Variants in BAZ2B observed in about 807,000 individuals in gnomAD.
BAZ2B encodes the protein bromodomain adjacent to zinc finger domain 2B.
A neutral mutation model predicts 246.0 loss-of-function variants in BAZ2B; 91 were observed. That is an observed-to-expected ratio of 0.37 (90% CI 0.31 to 0.44). The LOEUF (loss-of-function observed/expected upper bound fraction) is 0.44. Ranked by LOEUF, BAZ2B falls within the 20% of genes least tolerant of loss-of-function variation. BAZ2B has a pLI of 1.00. For synonymous variants in BAZ2B, 855 were observed against 860.0 expected (o/e 0.99, Z 0.10); for missense variants, 2,332 against 2,533.7 (o/e 0.92, Z 1.71).
chr2:159,631,363 G>A, the BAZ2B span, among the ~76,000 whole-genome samples: 1 of 152,118 alleles, frequency 6.6e-6, no homozygotes, highest in African/African-American at 2.4e-5. Flanking sequence ...CTTGCATACT[G>A]TAAATACCTA....
intron 2 of BAZ2B, among the ~76,000 whole-genome samples, chr2:159,506,314 A>G (rs1022841145): frequency 6.6e-6 from 1 of 152,064 alleles, no homozygotes; most frequent in Non-Finnish European, 1.5e-5. Flanking sequence ...CAGGAGGGAA[A>G]CTGGACCTAG....
At chr2:159,671,648 T>C in the BAZ2B span, among the ~76,000 whole-genome samples, 1 of 152,170 alleles carries the variant, frequency 6.6e-6, no homozygotes, top group Admixed American at 6.5e-5. Context: ...TGCTCAGGAA[T>C]ACTCAGTATA....
At chr2:159,590,452 G>A (rs6735206) in intron 1 of BAZ2B, among the ~76,000 whole-genome samples, 83,661 of 151,274 alleles carry the variant, frequency 0.55, 23,882 homozygotes, top group East Asian at 0.74. Context: ...TTAGCCAGGC[G>A]TGATAGTGGG....
chr2:159,616,836 A>T (rs964573930), upstream of BAZ2B: 14 of 152,156 alleles, frequency 9.2e-5, no homozygotes, highest in Non-Finnish European at 2.1e-4. Flanking sequence ...CTTAGTTTTT[A>T]AAAAAACAAA....
the BAZ2B span, among the ~76,000 whole-genome samples, chr2:159,651,361 T>C: frequency 2.0e-5 from 3 of 152,216 alleles, no homozygotes; most frequent in African/African-American, 4.8e-5. Flanking sequence ...TTTTATTTTA[T>C]GAGGAAAAGT....
chr2:159,417,316 G>A (rs1251484696), intron 13 of BAZ2B, among the ~76,000 whole-genome samples: 2 of 151,834 alleles, frequency 1.3e-5, no homozygotes, highest in African/African-American at 4.8e-5. Context: ...GATTACAGGC[G>A]CTTGCCACCA....
At chr2:159,323,801 C>CAAAAAAAAAAAAA (rs70994291) in intron 36 of BAZ2B, among the ~76,000 whole-genome samples, 1 of 127,508 alleles carries the variant, frequency 7.8e-6, no homozygotes. Flanking sequence ...GAAACTCTCT[C>CAAAAAAAAAAAAA]AAAAAAAAAA....
At chr2:159,693,710 C>CTTTT in the BAZ2B span, 1 of 141,748 alleles carries the variant, frequency 7.1e-6, no homozygotes, top group Non-Finnish European at 1.5e-5. Flanking sequence ...ACCTGACCAT[C>CTTTT]TTTTTTTTTT....
At chr2:159,628,801 A>C in the BAZ2B span, among the ~76,000 whole-genome samples, 3 of 152,260 alleles carry the variant, frequency 2.0e-5, no homozygotes, top group African/African-American at 7.2e-5. Context: ...AATGGCAACA[A>C]AAGCCAAAAT....
chr2:159,509,559 A>T (rs942850985), intron 2 of BAZ2B, among the ~76,000 whole-genome samples: 10 of 152,204 alleles, frequency 6.6e-5, no homozygotes, highest in Non-Finnish European at 1.5e-4. Flanking sequence ...CTAATCTTTT[A>T]CATTCACTAT....
intron 1 of BAZ2B, among the ~76,000 whole-genome samples, chr2:159,613,314 AGT>A (rs1285056541): frequency 2.6e-5 from 4 of 152,102 alleles, no homozygotes; most frequent in Non-Finnish European, 5.9e-5. Context: ...ATTCGGCACT[AGT>A]TTAACATGTG....
chr2:159,438,297 A>G lies in BAZ2B; in HGVS notation c.1293+6T>C, dbSNP rs765105183. ...AAAATTCTTGTATAAATAATTTGTA[A>G]CTCACCCGTTTGGATCTCAATTCAC... On this transcript the variant is annotated splice_donor_region_variant and intron_variant, in intron 8 of 36. Coordinates refer to ENST00000392783, the MANE Select transcript of BAZ2B (RefSeq NM_013450.4). The G allele has an allele frequency of 6.2e-7, 1 of 1,605,370 alleles. No individual in the cohort carries two copies. The highest frequency in any genetic ancestry group is 1.1e-5 in the South Asian group (1 of 89,236).
chr2:159,415,835 C>T (rs961406469), intron 13 of BAZ2B, among the ~76,000 whole-genome samples: 1 of 152,218 alleles, frequency 6.6e-6, no homozygotes, highest in Admixed American at 6.5e-5. Flanking sequence ...ATAATAGCTA[C>T]ATCTCACATT....
the BAZ2B span, chr2:159,711,026 A>G: frequency 0.93 from 142,034 of 152,292 alleles, 66,356 homozygotes; most frequent in Middle Eastern, 0.97. Flanking sequence ...AATGCTACAG[A>G]GCATGGGTAC....
chr2:159,611,012 T>C (rs1429621850), intron 1 of BAZ2B, among the ~76,000 whole-genome samples: 1 of 152,026 alleles, frequency 6.6e-6, no homozygotes, highest in Non-Finnish European at 1.5e-5. Flanking sequence ...TCAATAAACA[T>C]GTGGCCAATA....
At chr2:159,532,965 C>T (rs1457067175) in intron 2 of BAZ2B, among the ~76,000 whole-genome samples, 1 of 152,142 alleles carries the variant, frequency 6.6e-6, no homozygotes, top group East Asian at 1.9e-4. Context: ...AAAACAAAAT[C>T]ATGACTTCAG....
At chr2:159,697,689 A>G in the BAZ2B span, among the ~76,000 whole-genome samples, 1 of 152,162 alleles carries the variant, frequency 6.6e-6, no homozygotes, top group South Asian at 2.1e-4. Context: ...TGATATTAAA[A>G]ACAAAATATT....
intron 1 of BAZ2B, among the ~76,000 whole-genome samples, chr2:159,588,143 C>T (rs1027865823): frequency 5.5e-5 from 8 of 144,248 alleles, no homozygotes; most frequent in Admixed American, 2.9e-4. Context: ...CAGTGAGCTA[C>T]GATTGTACCA....
At chr2:159,490,863 C>G (rs987671403) in intron 2 of BAZ2B, among the ~76,000 whole-genome samples, 5 of 152,132 alleles carry the variant, frequency 3.3e-5, no homozygotes, top group African/African-American at 7.2e-5. Context: ...GCATGCATCC[C>G]TGGTCAGCTT....
Sources: allele counts gnomAD v4.1 joint callset (sites outside exome capture counted in the v4.1 genomes callset), GRCh38; gene constraint gnomAD v4.1.1; transcripts MANE v1.5; gene names NCBI Gene and HGNC (gene_info 2026-07-23, HGNC 2026-07-21).